The following BBX variants were observed in gnomAD, a reference collection of about 807,000 sequenced individuals.
BBX encodes the protein BBX high mobility group box domain containing.
In BBX, 30 loss-of-function variants were observed where a neutral mutation model predicts 100.2. The ratio of observed to expected loss-of-function variants is 0.30; its 90% CI spans 0.22 to 0.41. BBX has a LOEUF of 0.41. Ranked by LOEUF, BBX falls within the 10% of genes least tolerant of loss-of-function variation. The probability of loss-of-function intolerance (pLI) is 1.00; values close to 1 mark genes in which losing one functional copy is unlikely to be tolerated. For missense variants in BBX, 1,023 were observed against 1,129.8 expected (o/e 0.91, Z 1.35); for synonymous variants, 376 against 388.1 (o/e 0.97, Z 0.37).
chr3:107,736,482 G>A (rs2063645857), intron 7 of BBX, among the ~76,000 whole-genome samples: 1 of 151,438 alleles, frequency 6.6e-6, no homozygotes, highest in South Asian at 2.1e-4. Flanking sequence ...AAGTAATCAT[G>A]TTCACATCAA....
intron 2 of BBX, among the ~76,000 whole-genome samples, chr3:107,633,288 A>G (rs1402524575): frequency 6.6e-6 from 1 of 152,116 alleles, no homozygotes; most frequent in East Asian, 1.9e-4. Flanking sequence ...AGCATAAGCT[A>G]AATATATAAT....
Position 107,644,578 on chromosome 3 carries a change from A to G in BBX, c.-83-1258A>G, listed in dbSNP as rs543037762. 2.6e-5 allele frequency among the ~76,000 whole-genome samples: 4 copies of G among 152,200 alleles called. No homozygotes were observed. In the South Asian group the frequency reaches 8.3e-4, roughly 32 times the overall value. ...GCCTATTTTATAATAATAGACTTTG[A>G]TATTATTTATTTCATCAGTGTTTGG... On this transcript the variant is annotated intron_variant, in intron 2 of 17. Transcript: ENST00000325805.
intron 1 of BBX, among the ~76,000 whole-genome samples, chr3:107,523,908 G>A (rs1239452242): frequency 3.3e-5 from 5 of 151,642 alleles, no homozygotes; most frequent in African/African-American, 1.2e-4. Flanking sequence ...CTGTTTTAGT[G>A]CCAGAGTAGC....
intron 2 of BBX, among the ~76,000 whole-genome samples, chr3:107,601,709 G>A (rs761795044): frequency 1.3e-5 from 2 of 152,242 alleles, no homozygotes; most frequent in African/African-American, 2.4e-5. Flanking sequence ...ACATAAAAGT[G>A]CAAGAGGAAG....
At chr3:107,759,237 A>G (rs2065714805) in intron 10 of BBX, among the ~76,000 whole-genome samples, 1 of 152,136 alleles carries the variant, frequency 6.6e-6, no homozygotes, top group Non-Finnish European at 1.5e-5. Context: ...GGCATTTTAA[A>G]CTGGGTAGAC....
At chr3:107,599,062 A>G (rs2053870494) in intron 2 of BBX, among the ~76,000 whole-genome samples, 1 of 152,084 alleles carries the variant, frequency 6.6e-6, no homozygotes, top group East Asian at 1.9e-4. Context: ...TGGGAAGCTT[A>G]CATCATTTCC....
intron 5 of BBX, 91 bp from the exon 6 acceptor site, chr3:107,728,674 G>T: frequency 2.6e-6 from 3 of 1,144,200 alleles, no homozygotes; most frequent in Non-Finnish European, 3.8e-6. Context: ...TTTCTCACTT[G>T]GTATCTAAAT....
At chr3:107,667,638 AT>A (rs1309797849) in intron 3 of BBX, among the ~76,000 whole-genome samples, 2 of 151,944 alleles carry the variant, frequency 1.3e-5, no homozygotes, top group Admixed American at 6.5e-5. Context: ...AAAAGGTTTT[AT>A]AAATGCTAAA....
In BBX at chr3:107,748,035, C is replaced by A; in HGVS notation, c.821C>A (p.Ala274Glu). 6.2e-7 allele frequency: 1 copy of A among 1,612,640 alleles called. No homozygotes were observed. The highest frequency in any genetic ancestry group is 8.5e-7 in the Non-Finnish European group (1 of 1,178,948). The change falls in exon 9 of 18, where the codon GCA (alanine) becomes GAA (glutamate). Residue 274 changes from alanine (A) to glutamate (E), a missense_variant. Physicochemically the swap from Ala to Glu is moderately radical, Grantham distance 107 (BLOSUM62 -1). Coordinates refer to ENST00000325805, the MANE Select transcript of BBX (RefSeq NM_001142568.3). ...QCQTSALFQF[A>E]EISSNTSQLG... ...CAAACATCTGCCTTGTTTCAGTTTGCAGAGGTATGGCCTTTTTAAAATGCT... is the reference window on the plus strand; with the variant it reads ...CAAACATCTGCCTTGTTTCAGTTTGAAGAGGTATGGCCTTTTTAAAATGCT...
chr3:107,791,350 A>G, intron 15 of BBX, 51 bp downstream of exon 15: 4 of 1,473,242 alleles, frequency 2.7e-6, no homozygotes, highest in Non-Finnish European at 3.8e-6. Flanking sequence ...TGGAAATGAC[A>G]TAAGTTGTAT....
chr3:107,644,961 A>G (rs1414802934), intron 2 of BBX, among the ~76,000 whole-genome samples: 5 of 152,330 alleles, frequency 3.3e-5, no homozygotes, highest in South Asian at 4.1e-4. Flanking sequence ...AAGCTAAGCC[A>G]TAAAATGACT....
intron 3 of BBX, among the ~76,000 whole-genome samples, chr3:107,673,136 G>T (rs1350013159): frequency 6.6e-6 from 1 of 151,996 alleles, no homozygotes; most frequent in African/African-American, 2.4e-5. Context: ...ATGAATAGAA[G>T]ATTATTCCTA....
chr3:107,596,983 T>A (rs1253432564), intron 2 of BBX, among the ~76,000 whole-genome samples: 1 of 152,204 alleles, frequency 6.6e-6, no homozygotes, highest in Admixed American at 6.5e-5. Context: ...CCTTTAAACT[T>A]TTTTACTCCT....
At chr3:107,799,216 G>A (rs1224216826) in intron 16 of BBX, among the ~76,000 whole-genome samples, 2 of 152,012 alleles carry the variant, frequency 1.3e-5, no homozygotes, top group Non-Finnish European at 1.5e-5. Context: ...TTACGAATTT[G>A]TGTTGGGCTG....
At chr3:107,759,724 T>C (rs925535382) in intron 10 of BBX, among the ~76,000 whole-genome samples, 2 of 152,184 alleles carry the variant, frequency 1.3e-5, no homozygotes, top group Admixed American at 6.5e-5. Flanking sequence ...TATACACATA[T>C]TTTTGGTGCA....
intron 2 of BBX, among the ~76,000 whole-genome samples, chr3:107,548,825 T>C (rs530158166): frequency 2.0e-5 from 3 of 152,300 alleles, no homozygotes; most frequent in South Asian, 4.1e-4. Flanking sequence ...AGGAACAAAA[T>C]CATGTCCTTT....
intron 2 of BBX, among the ~76,000 whole-genome samples, chr3:107,574,366 T>C (rs2051613791): frequency 6.6e-6 from 1 of 152,210 alleles, no homozygotes; most frequent in African/African-American, 2.4e-5. Context: ...TGGGTACAGG[T>C]TATTTCACTC....
At chr3:107,761,518 G>C (rs1384235616) in intron 10 of BBX, among the ~76,000 whole-genome samples, 2 of 152,078 alleles carry the variant, frequency 1.3e-5, no homozygotes, top group African/African-American at 2.4e-5. Flanking sequence ...GAGATGCCAG[G>C]GGTATTCAAG....
At chr3:107,774,688 C>T (rs1163537893) in intron 11 of BBX, 31 bp from the exon 12 acceptor site, 2 of 1,608,746 alleles carry the variant, frequency 1.2e-6, no homozygotes, top group East Asian at 2.2e-5. Flanking sequence ...ACCTGTATAC[C>T]AAACACATCC....
Sources: gnomAD v4.1 joint callset for allele counts (sites outside exome capture counted in the v4.1 genomes callset) on GRCh38, gnomAD v4.1.1 for gene constraint, MANE v1.5 for transcripts, NCBI Gene and HGNC (gene_info 2026-07-23, HGNC 2026-07-21) for gene names.